PPEF1: variants seen among roughly 807,000 people sequenced by gnomAD.
The protein encoded by PPEF1 is protein phosphatase with EF-hand domain 1, also known as serine/threonine-protein phosphatase with EF-hands 1.
In PPEF1, 12 loss-of-function variants were observed where a neutral mutation model predicts 53.3. The ratio of observed to expected loss-of-function variants is 0.23; its 90% CI spans 0.14 to 0.36. The LOEUF is 0.36. Ranked by LOEUF, PPEF1 falls within the 10% of genes least tolerant of loss-of-function variation. The pLI is 1.00. For synonymous variants in PPEF1, 165 were observed against 176.7 expected, an observed-to-expected ratio of 0.93 and a Z score of 0.52; for missense variants, 334 against 490.4, an observed-to-expected ratio of 0.68 and a Z score of 3.01.
At chrX:18,780,360 G>A (rs1344002632) in intron 7 of PPEF1, among the ~76,000 whole-genome samples, 1 of 112,022 alleles carries the variant, frequency 8.9e-6, no homozygotes, top group Non-Finnish European at 1.9e-5. Context: ...CACAGTGAGG[G>A]GACAACTTAT....
At chrX:18,689,310 C>T (rs112195072) in intron 3 of PPEF1, among the ~76,000 whole-genome samples, 6,795 of 108,075 alleles carry the variant, frequency 0.063, 487 homozygotes, top group African/African-American at 0.2. Context: ...TGGTGAAACG[C>T]CATCTCTGTA....
At position 18,824,212 on chromosome X, in the gene PPEF1, C is replaced by T. The variant is rs2147767017; in HGVS notation, c.1665+126C>T. On this transcript the variant is annotated intron_variant, in intron 14 of 15. Transcript: ENST00000470157. The stretch of plus-strand genomic sequence containing the variant: ...ATCCCAGCACTTTCGGAGGCCAAGG[C>T]GGGCAGATCCCGAGGTCAGGAGTTC... 8.8e-6 allele frequency: 6 copies of T among 684,045 alleles called. No homozygotes were observed. In the East Asian group the frequency reaches 1.9e-4, roughly 22 times the overall value. 56.4% of individuals were successfully genotyped at this position (684,045 alleles called of 1,213,427 possible).
At chrX:18,768,148 T>C (rs1214133154) in intron 6 of PPEF1, among the ~76,000 whole-genome samples, 1 of 111,832 alleles carries the variant, frequency 8.9e-6, no homozygotes, top group Non-Finnish European at 1.9e-5. Flanking sequence ...TCACTTACTT[T>C]TATTTTATTA....
intron 5 of PPEF1, chrX:18,700,279 G>GTT (rs1930015712): frequency 9.6e-6 from 1 of 104,095 alleles, no homozygotes; most frequent in Admixed American, 1.0e-4. Flanking sequence ...GTGTGTGTGT[G>GTT]TGTTTGTGTG....
upstream of PPEF1, among the ~76,000 whole-genome samples, chrX:18,675,235 C>G (rs1348457765): frequency 8.8e-6 from 1 of 113,504 alleles, no homozygotes; most frequent in African/African-American, 3.2e-5. Flanking sequence ...AACTTTCCCT[C>G]AATCGAGGCG....
intron 1 of PPEF1, among the ~76,000 whole-genome samples, chrX:18,716,309 A>G (rs1044641982): frequency 5.3e-4 from 59 of 110,510 alleles, no homozygotes; most frequent in East Asian, 4.3e-3. Flanking sequence ...GAGGCGGGTG[A>G]ATCACGAGGT....
intron 8 of PPEF1, among the ~76,000 whole-genome samples, chrX:18,783,401 C>A (rs947750616): frequency 9.1e-6 from 1 of 110,478 alleles, no homozygotes; most frequent in African/African-American, 3.3e-5. Flanking sequence ...CAGCAAGGCC[C>A]CAAGATGTCA....
intron 3 of PPEF1, among the ~76,000 whole-genome samples, chrX:18,736,174 G>A (rs1173730111): frequency 2.7e-5 from 3 of 111,610 alleles, no homozygotes; most frequent in African/African-American, 9.8e-5. Context: ...TGTTGAATAG[G>A]AGTGGTGAGA....
intron 3 of PPEF1, among the ~76,000 whole-genome samples, chrX:18,687,515 A>G (rs1030392682): frequency 9.0e-6 from 1 of 111,304 alleles, no homozygotes; most frequent in Non-Finnish European, 1.9e-5. Context: ...ATCTAATTCT[A>G]TTATGTCCCT....
chrX:18,686,897 T>C (rs1328825497), intron 3 of PPEF1, among the ~76,000 whole-genome samples: 2 of 111,014 alleles, frequency 1.8e-5, no homozygotes, highest in African/African-American at 6.6e-5. Context: ...TCCCACATGA[T>C]ACGAAGCCAG....
chrX:18,819,557 G>A (rs185195971), intron 13 of PPEF1, among the ~76,000 whole-genome samples: 2 of 110,949 alleles, frequency 1.8e-5, no homozygotes, highest in Non-Finnish European at 3.8e-5. Context: ...AGCCAGCCAT[G>A]GTGGCAGGCA....
chrX:18,813,020 G>A (rs2046838763), intron 12 of PPEF1, among the ~76,000 whole-genome samples: 1 of 111,632 alleles, frequency 9.0e-6, no homozygotes, highest in South Asian at 3.7e-4. Flanking sequence ...GATTACAGAT[G>A]TGAGCCACCG....
intron 6 of PPEF1, among the ~76,000 whole-genome samples, chrX:18,763,514 C>T (rs1222981307): frequency 1.8e-5 from 2 of 110,327 alleles, no homozygotes; most frequent in Non-Finnish European, 3.8e-5. Context: ...TGGAGGCCTG[C>T]GTTAGTGAGA....
chrX:18,807,969 A>ATT (rs377271718), intron 12 of PPEF1, among the ~76,000 whole-genome samples: 1,121 of 75,800 alleles, frequency 0.015, 34 homozygotes, highest in African/African-American at 0.052. Flanking sequence ...CTGTACGTAC[A>ATT]TTTTTTTTTT....
intron 3 of PPEF1, chrX:18,688,658 T>A (rs1333709516): frequency 8.9e-6 from 1 of 112,683 alleles, no homozygotes; most frequent in East Asian, 2.7e-4. Context: ...CTTTTGGCAT[T>A]GCTTTATTTA....
At chrX:18,801,983 CAA>C (rs1208583667) in intron 10 of PPEF1, among the ~76,000 whole-genome samples, 5 of 50,544 alleles carry the variant, frequency 9.9e-5, no homozygotes, top group Non-Finnish European at 4.1e-5. Flanking sequence ...GACTCCATCA[CAA>C]AAAAAAAAAA....
intron 3 of PPEF1, among the ~76,000 whole-genome samples, chrX:18,748,800 TAA>T (rs1189510725): frequency 2.7e-5 from 3 of 111,688 alleles, no homozygotes; most frequent in African/African-American, 9.8e-5. Flanking sequence ...GCATTGTTCC[TAA>T]AGAGTGCATG....
intron 2 of PPEF1, among the ~76,000 whole-genome samples, chrX:18,685,072 A>G (rs1929017889): frequency 8.9e-6 from 1 of 112,340 alleles, no homozygotes; most frequent in South Asian, 3.6e-4. Context: ...TGGAAATGGA[A>G]TGGGTTACTC....
chrX:18,749,747 T>TGGGGGGGGGGGGGGGGGGGGGG (rs2045400799), intron 3 of PPEF1, 45 bp from the exon 4 acceptor site: 4 of 191,878 alleles, frequency 2.1e-5, no homozygotes, highest in Non-Finnish European at 3.2e-5. Context: ...AAATGTTGAT[T>TGGGGGGGGGGGGGGGGGGGGGG]CCCACCCCCA....
Sources: gnomAD v4.1 joint callset for allele counts (sites outside exome capture counted in the v4.1 genomes callset) on GRCh38, gnomAD v4.1.1 for gene constraint, MANE v1.5 for transcripts, NCBI Gene and HGNC (gene_info 2026-07-23, HGNC 2026-07-21) for gene names.